The following ELF1 variants were observed in gnomAD, a reference collection of about 807,000 sequenced individuals.
The protein encoded by ELF1 is E74 like ETS transcription factor 1, also known as ETS-related transcription factor Elf-1.
In ELF1, 24 loss-of-function variants were observed where a neutral mutation model predicts 59.9. The observed-to-expected ratio is 0.40, with a 90% confidence interval of 0.29 to 0.56. The LOEUF is 0.56. Ranked by LOEUF, ELF1 falls within the 20% of genes least tolerant of loss-of-function variation. The probability of loss-of-function intolerance (pLI) is 0.44; values close to 1 mark genes in which losing one functional copy is unlikely to be tolerated. For synonymous variants in ELF1, 248 were observed against 266.2 expected, an observed-to-expected ratio of 0.93 and a Z score of 0.67; for missense variants, 627 against 742.2, an observed-to-expected ratio of 0.84 and a Z score of 1.80.
intron 2 of ELF1, among the ~76,000 whole-genome samples, chr13:40,963,368 A>G (rs1359667672): frequency 3.9e-5 from 6 of 152,374 alleles, no homozygotes; most frequent in Non-Finnish European, 8.8e-5. Flanking sequence ...ATCAGAGTCT[A>G]TAACAAAATT....
intron 3 of ELF1, among the ~76,000 whole-genome samples, chr13:40,956,206 CTT>C (rs1244936462): frequency 6.6e-6 from 1 of 151,054 alleles, no homozygotes; most frequent in African/African-American, 2.4e-5. Context: ...ACGTGGGAGA[CTT>C]TTCATTTTGT....
intron 7 of ELF1, among the ~76,000 whole-genome samples, chr13:40,942,337 A>G (rs1403934490): frequency 1.3e-5 from 2 of 152,232 alleles, no homozygotes; most frequent in African/African-American, 2.4e-5. Flanking sequence ...TTTCCAATAC[A>G]TCTTTCTCAA....
chr13:41,043,492 G>T (rs1876710448), intron 1 of ELF1, among the ~76,000 whole-genome samples: 2 of 152,122 alleles, frequency 1.3e-5, no homozygotes, highest in African/African-American at 4.8e-5. Flanking sequence ...AAGGTATAAG[G>T]AAGGGATCCA....
At chr13:40,972,470 G>T (rs1004881032) in intron 2 of ELF1, among the ~76,000 whole-genome samples, 1 of 152,108 alleles carries the variant, frequency 6.6e-6, no homozygotes, top group African/African-American at 2.4e-5. Flanking sequence ...AAAACAAAAC[G>T]ATCTGAATGA....
intron 1 of ELF1, among the ~76,000 whole-genome samples, chr13:41,039,178 T>C (rs969650625): frequency 6.6e-6 from 1 of 151,854 alleles, no homozygotes; most frequent in Non-Finnish European, 1.5e-5. Context: ...GGTAGGTGGA[T>C]CGCTTGAGCC....
chr13:40,968,279 G>A (rs2138225210), intron 2 of ELF1, among the ~76,000 whole-genome samples: 1 of 152,166 alleles, frequency 6.6e-6, no homozygotes, highest in Non-Finnish European at 1.5e-5. Context: ...TAAAATTAAA[G>A]GAAATCGCTA....
At chr13:40,982,349 C>CAG in intron 1 of ELF1, 67 bp from the exon 2 acceptor site, 1 of 1,073,962 alleles carries the variant, frequency 9.3e-7, no homozygotes, top group Non-Finnish European at 1.1e-6. Flanking sequence ...ATAACTGATA[C>CAG]AGAGGGCAGT....
At chr13:40,996,762 G>A (rs1159625184) in intron 1 of ELF1, among the ~76,000 whole-genome samples, 1 of 152,002 alleles carries the variant, frequency 6.6e-6, no homozygotes, top group African/African-American at 2.4e-5. Flanking sequence ...AATCTAAAAT[G>A]GCTCTAAAAA....
intron 1 of ELF1, among the ~76,000 whole-genome samples, chr13:41,056,145 C>T (rs1336066997): frequency 6.6e-6 from 1 of 152,174 alleles, no homozygotes; most frequent in Admixed American, 6.5e-5. Flanking sequence ...TTACTATCCA[C>T]ATTGGCAGTC....
In ELF1 at chr13:40,984,493, A is replaced by T. The variant is rs557889256; in HGVS notation, c.-228-2211T>A. Reference sequence around the variant, plus strand: ...TGAGGCAGGAGGATCACTTGAGCCCAGGAGTTCAAGGCCGTAGTGAGCCAT... The same window carrying T: ...TGAGGCAGGAGGATCACTTGAGCCCTGGAGTTCAAGGCCGTAGTGAGCCAT... On this transcript the variant is annotated intron_variant, in intron 1 of 8. Coordinates refer to ENST00000239882, the MANE Select transcript of ELF1 (RefSeq NM_172373.4). Among the ~76,000 whole-genome samples the T allele has an allele frequency of 1.4e-4, 22 of 152,298 alleles. No homozygotes were observed. In the East Asian group the frequency reaches 4.2e-3, roughly 29 times the overall value.
At chr13:41,034,856 C>T (rs960216297) in intron 1 of ELF1, among the ~76,000 whole-genome samples, 5 of 147,026 alleles carry the variant, frequency 3.4e-5, no homozygotes, top group African/African-American at 1.0e-4. Context: ...CAATACAAAA[C>T]ATTTATCCAT....
chr13:41,045,414 C>T (rs1421160789), intron 1 of ELF1, among the ~76,000 whole-genome samples: 1 of 152,186 alleles, frequency 6.6e-6, no homozygotes, highest in East Asian at 1.9e-4. Context: ...CCCGCTTTCT[C>T]TTGTGGGCAT....
At chr13:41,039,333 T>TA (rs1163537613) in intron 1 of ELF1, among the ~76,000 whole-genome samples, 1 of 148,052 alleles carries the variant, frequency 6.8e-6, no homozygotes, top group African/African-American at 2.5e-5. Context: ...AAAGTCCTTT[T>TA]TTTAAAAAAA....
intron 2 of ELF1, among the ~76,000 whole-genome samples, chr13:40,981,630 C>G (rs916150678): frequency 1.3e-5 from 2 of 152,054 alleles, no homozygotes; most frequent in African/African-American, 4.8e-5. Flanking sequence ...CCCATGATTA[C>G]AAACATTAAT....
chr13:40,945,438 CT>C (rs1390776827), intron 5 of ELF1, among the ~76,000 whole-genome samples: 2 of 151,894 alleles, frequency 1.3e-5, no homozygotes, highest in Non-Finnish European at 2.9e-5. Flanking sequence ...AACTGCCAAT[CT>C]AAAAAAAAAA....
At chr13:40,983,568 A>C (rs1873398759) in intron 1 of ELF1, among the ~76,000 whole-genome samples, 1 of 152,192 alleles carries the variant, frequency 6.6e-6, no homozygotes, top group Non-Finnish European at 1.5e-5. Context: ...ACTAAATTCC[A>C]ACCCAGCAAA....
Position 40,933,567 on chromosome 13 carries a change from T to C in ELF1, c.1718A>G (p.Glu573Gly). Residue 573 changes from glutamate to glycine, a missense_variant, in exon 9 of 9, where the codon GAA becomes GGA. Transcript: ENST00000239882. ...GTTCTCTTTCAAATGATCTTCAGAT[T>C]CCTTTTTCTCTACTTCCTGTGTAAG... ...KTLTQEVEKKESEDHLKENTE... is the reference protein window; with the variant it reads ...KTLTQEVEKKGSEDHLKENTE... 4.3e-6 allele frequency: 7 copies of C among 1,614,258 alleles called. No individual in the cohort carries two copies. The highest frequency in any genetic ancestry group is 5.1e-6 in the Non-Finnish European group (6 of 1,180,044).
intron 1 of ELF1, among the ~76,000 whole-genome samples, chr13:41,043,132 C>T (rs1303408386): frequency 1.3e-5 from 2 of 152,134 alleles, no homozygotes; most frequent in African/African-American, 4.8e-5. Flanking sequence ...ATATCCTTCG[C>T]CCACTTTTTG....
chr13:40,956,060 G>A (rs1470008543), intron 3 of ELF1, among the ~76,000 whole-genome samples: 9 of 148,910 alleles, frequency 6.0e-5, no homozygotes, highest in East Asian at 2.0e-4. Flanking sequence ...CCACCACCCC[G>A]TCTGGGAGGT....
Sources: gnomAD v4.1 joint callset for allele counts (sites outside exome capture counted in the v4.1 genomes callset) on GRCh38, gnomAD v4.1.1 for gene constraint, MANE v1.5 for transcripts, NCBI Gene and HGNC (gene_info 2026-07-23, HGNC 2026-07-21) for gene names.